EXOC4: variants seen among roughly 807,000 people sequenced by gnomAD.
EXOC4 encodes SEC8-like 1.
Under a neutral mutation model 107.2 loss-of-function variants are expected in EXOC4, and 71 were observed. That is an observed-to-expected ratio of 0.66 (90% CI 0.55 to 0.81). EXOC4 has a LOEUF of 0.81. Among genes scored for constraint, EXOC4 ranks in the 30% least tolerant of loss-of-function variants. The probability of loss-of-function intolerance (pLI) is 0.00; values close to 1 mark genes in which losing one functional copy is unlikely to be tolerated. For synonymous variants in EXOC4, 456 were observed against 441.2 expected, an observed-to-expected ratio of 1.03 and a Z score of -0.42; for missense variants, 1,108 against 1,189.6, an observed-to-expected ratio of 0.93 and a Z score of 1.01.
At chr7:134,068,929 A>G (rs974460662), downstream of EXOC4, among the ~76,000 whole-genome samples, 5 of 152,164 alleles carry the variant, frequency 3.3e-5, no homozygotes, top group Admixed American at 1.3e-4. Flanking sequence ...TCAGGTTGAT[A>G]TGGGAGTCGG....
At chr7:133,696,818 C>T (rs1211597168) in intron 10 of EXOC4, among the ~76,000 whole-genome samples, 1 of 152,198 alleles carries the variant, frequency 6.6e-6, no homozygotes, top group Non-Finnish European at 1.5e-5. Context: ...CTTACTATGT[C>T]ATGAGGGCAA....
intron 5 of EXOC4, among the ~76,000 whole-genome samples, chr7:133,328,299 T>C (rs945410400): frequency 6.6e-6 from 1 of 152,120 alleles, no homozygotes; most frequent in Non-Finnish European, 1.5e-5. Context: ...TCCTGCATCC[T>C]TTTATTTGAG....
intron 9 of EXOC4, among the ~76,000 whole-genome samples, chr7:133,492,969 G>A (rs532718536): frequency 0.31 from 32 of 104 alleles, 1 homozygote; most frequent in South Asian, 0.52. Context: ...TTAGAGGTTC[G>A]GAGTGGTGGG....
chr7:133,994,502 G>A (rs904464007), intron 14 of EXOC4, among the ~76,000 whole-genome samples: 1 of 152,014 alleles, frequency 6.6e-6, no homozygotes, highest in Non-Finnish European at 1.5e-5. Flanking sequence ...ATGTATCCCA[G>A]AACTTAAAGT....
intron 9 of EXOC4, among the ~76,000 whole-genome samples, chr7:133,621,785 T>C (rs945097409): frequency 6.6e-6 from 1 of 152,200 alleles, no homozygotes; most frequent in Non-Finnish European, 1.5e-5. Flanking sequence ...CTTAATACTG[T>C]TGCATGGCAA....
At chr7:133,607,238 T>C (rs73726929) in intron 9 of EXOC4, among the ~76,000 whole-genome samples, 3,568 of 152,278 alleles carry the variant, frequency 0.023, 141 homozygotes, top group African/African-American at 0.082. Context: ...TTTGTATAGT[T>C]GAAAGGAGAA....
At chr7:133,755,893 C>T (rs1296479390) in intron 10 of EXOC4, among the ~76,000 whole-genome samples, 1 of 152,112 alleles carries the variant, frequency 6.6e-6, no homozygotes, top group African/African-American at 2.4e-5. Flanking sequence ...CTCTGTTAAC[C>T]TCTTCATCCT....
intron 10 of EXOC4, among the ~76,000 whole-genome samples, chr7:133,696,083 C>A (rs867055330): frequency 2.0e-5 from 3 of 152,174 alleles, no homozygotes; most frequent in African/African-American, 7.2e-5. Flanking sequence ...AAGTATGCCC[C>A]GGCTGGCAAA....
chr7:133,475,118 C>G (rs896890134), intron 7 of EXOC4, among the ~76,000 whole-genome samples: 1 of 152,110 alleles, frequency 6.6e-6, no homozygotes, highest in Admixed American at 6.6e-5. Context: ...ATGCCCACCC[C>G]GCCTCTTCCC....
At chr7:133,353,916 A>G (rs1036497413) in intron 5 of EXOC4, among the ~76,000 whole-genome samples, 2 of 150,632 alleles carry the variant, frequency 1.3e-5, no homozygotes, top group African/African-American at 4.9e-5. Context: ...CCTCTAGTGC[A>G]TTTTTCATTC....
intron 9 of EXOC4, among the ~76,000 whole-genome samples, chr7:133,485,556 A>G (rs1331065833): frequency 1.3e-5 from 2 of 152,032 alleles, no homozygotes; most frequent in Non-Finnish European, 2.9e-5. Context: ...TCTCCCTACA[A>G]TATAATTCTT....
intron 7 of EXOC4, among the ~76,000 whole-genome samples, chr7:133,385,045 C>T (rs137900241): frequency 3.9e-5 from 6 of 152,274 alleles, no homozygotes; most frequent in Admixed American, 1.3e-4. Context: ...CGCTTCTCCA[C>T]GTGGCTTCTG....
chr7:133,258,333 G>A (rs746832627), intron 1 of EXOC4, among the ~76,000 whole-genome samples: 18 of 152,136 alleles, frequency 1.2e-4, no homozygotes, highest in Non-Finnish European at 2.5e-4. Flanking sequence ...AGTATTGATG[G>A]TGGTGGTATG....
At chr7:133,290,713 C>G (rs762185368) in intron 3 of EXOC4, among the ~76,000 whole-genome samples, 1 of 152,200 alleles carries the variant, frequency 6.6e-6, no homozygotes, top group Non-Finnish European at 1.5e-5. Flanking sequence ...AAGGGCTAAT[C>G]AATAATGAAT....
At chr7:133,475,184 C>A in intron 7 of EXOC4, 144 bp from the exon 8 acceptor site, 1 of 656,094 alleles carries the variant, frequency 1.5e-6, no homozygotes, top group South Asian at 2.4e-5. Flanking sequence ...TTCTTAGATC[C>A]CCAACTTGGA....
chr7:133,972,693 T>G (rs948340729), intron 14 of EXOC4, among the ~76,000 whole-genome samples: 25 of 152,182 alleles, frequency 1.6e-4, no homozygotes, highest in African/African-American at 5.1e-4. Context: ...ACCCCAGAAA[T>G]TTTCACTGTC....
At chr7:133,963,367 C>A (rs1281120082) in intron 14 of EXOC4, among the ~76,000 whole-genome samples, 1 of 152,178 alleles carries the variant, frequency 6.6e-6, no homozygotes, top group African/African-American at 2.4e-5. Flanking sequence ...ACATCAGCCT[C>A]GCATAAGTAC....
chr7:133,638,722 A>G (rs2151022612), intron 10 of EXOC4, among the ~76,000 whole-genome samples: 1 of 152,182 alleles, frequency 6.6e-6, no homozygotes, highest in East Asian at 1.9e-4. Flanking sequence ...TGTTAAAGGA[A>G]AAAGAAAACT....
chr7:134,064,824 A>G lies in EXOC4; in HGVS notation c.*296A>G, dbSNP rs1796148104. 5.1e-6 allele frequency: 1 copy of G among 196,194 alleles called. No individual in the cohort carries two copies. The highest frequency in any genetic ancestry group is 1.0e-5 in the Non-Finnish European group (1 of 96,938). The allele number at this position is 196,194 out of a possible 1,614,324, so 12.2% of individuals were successfully genotyped here. A position where few individuals can be genotyped will look rare whatever the true frequency, so the allele number is the denominator to read the frequency against. On this transcript the variant is annotated 3_prime_UTR_variant, in exon 18 of 18. Transcript: ENST00000253861. ...TGGACTCTGAAAAACAAGTGGATGG[A>G]TTACTAATATTTGATTTATTACTCA...
Sources: allele counts gnomAD v4.1 joint callset (sites outside exome capture counted in the v4.1 genomes callset), GRCh38; gene constraint gnomAD v4.1.1; transcripts MANE v1.5; gene names NCBI Gene and HGNC (gene_info 2026-07-23, HGNC 2026-07-21).